Variants in ATRNL1 observed in about 807,000 individuals in gnomAD.
ATRNL1 encodes attractin like 1.
In ATRNL1, 95 loss-of-function variants were observed where a neutral mutation model predicts 182.7. The ratio of observed to expected loss-of-function variants is 0.52; its 90% CI spans 0.44 to 0.62. ATRNL1 has a LOEUF of 0.62. ATRNL1 is among the 20% of genes least tolerant of loss of function. The pLI is 0.00. For synonymous variants in ATRNL1, 576 were observed against 568.3 expected, an observed-to-expected ratio of 1.01 and a Z score of -0.19; for missense variants, 1,471 against 1,679.5, an observed-to-expected ratio of 0.88 and a Z score of 2.17.
At chr10:115,477,873 G>A (rs1848602863) in intron 24 of ATRNL1, among the ~76,000 whole-genome samples, 1 of 151,608 alleles carries the variant, frequency 6.6e-6, no homozygotes, top group South Asian at 2.1e-4. Context: ...TTAATCTGCT[G>A]CAAAGTGAAT....
intron 1 of ATRNL1, among the ~76,000 whole-genome samples, chr10:115,106,499 G>A (rs1554865985): frequency 6.6e-6 from 1 of 152,122 alleles, no homozygotes; most frequent in Non-Finnish European, 1.5e-5. Flanking sequence ...AGAATGATAT[G>A]GTTTGGCTGT....
At chr10:115,188,943 A>G (rs1467765207) in intron 8 of ATRNL1, among the ~76,000 whole-genome samples, 2 of 152,184 alleles carry the variant, frequency 1.3e-5, no homozygotes, top group Non-Finnish European at 2.9e-5. Flanking sequence ...TAGGCTTGGC[A>G]TTTGTGGTAG....
At chr10:115,120,488 G>A (rs548724650) in intron 2 of ATRNL1, among the ~76,000 whole-genome samples, 9 of 151,936 alleles carry the variant, frequency 5.9e-5, no homozygotes, top group Non-Finnish European at 1.0e-4. Flanking sequence ...TTTGAGTTAT[G>A]TTATTGTGGT....
At chr10:115,312,671 G>A (rs2134007046) in intron 17 of ATRNL1, among the ~76,000 whole-genome samples, 1 of 152,188 alleles carries the variant, frequency 6.6e-6, no homozygotes, top group African/African-American at 2.4e-5. Flanking sequence ...GGCCAGGGGT[G>A]TTTTTCTCAA....
intron 20 of ATRNL1, among the ~76,000 whole-genome samples, chr10:115,414,506 C>G (rs1554960512): frequency 6.6e-6 from 1 of 151,720 alleles, no homozygotes; most frequent in Non-Finnish European, 1.5e-5. Flanking sequence ...TTTCCTTTCC[C>G]ATTCTTATTG....
intron 8 of ATRNL1, among the ~76,000 whole-genome samples, chr10:115,187,870 TG>T (rs1200686129): frequency 2.0e-5 from 3 of 151,602 alleles, no homozygotes; most frequent in Non-Finnish European, 4.4e-5. Context: ...TTAGTAGAGA[TG>T]GGGTTTCACC....
At chr10:115,373,757 A>T (rs2134205867) in intron 19 of ATRNL1, among the ~76,000 whole-genome samples, 1 of 151,818 alleles carries the variant, frequency 6.6e-6, no homozygotes, top group East Asian at 1.9e-4. Context: ...TATTGAAATG[A>T]TTGAGTTTGT....
At chr10:115,684,435 A>T (rs1436926847) in intron 26 of ATRNL1, among the ~76,000 whole-genome samples, 1 of 148,308 alleles carries the variant, frequency 6.7e-6, no homozygotes, top group Non-Finnish European at 1.5e-5. Flanking sequence ...TAGTACAAAT[A>T]AAAAAAGTTT....
At chr10:115,907,505 G>A (rs1477956433) in intron 28 of ATRNL1, among the ~76,000 whole-genome samples, 3 of 152,130 alleles carry the variant, frequency 2.0e-5, no homozygotes, top group Non-Finnish European at 2.9e-5. Context: ...TAAGAAAGCT[G>A]CAAAATTAAA....
chr10:115,485,882 A>G (rs1848996171), intron 24 of ATRNL1, among the ~76,000 whole-genome samples: 1 of 151,732 alleles, frequency 6.6e-6, no homozygotes, highest in Non-Finnish European at 1.5e-5. Context: ...TCGTAACGCT[A>G]TCCCTACCAC....
chr10:115,253,811 C>T (rs1002267830), intron 10 of ATRNL1, among the ~76,000 whole-genome samples: 7 of 152,104 alleles, frequency 4.6e-5, no homozygotes, highest in Non-Finnish European at 1.0e-4. Context: ...ACAACAGGCC[C>T]CATTGTGTGA....
In ATRNL1 at chr10:115,884,089, A is replaced by T. The variant is rs370583368; in HGVS notation, c.4018+36098A>T. 4.6e-5 allele frequency among the ~76,000 whole-genome samples: 7 copies of T among 152,372 alleles called. No homozygotes were observed. The East Asian group carries it at 1.3e-3, about 29-fold the overall frequency. On this transcript the variant is annotated intron_variant, in intron 28 of 28. Coordinates refer to ENST00000355044, the MANE Select transcript of ATRNL1 (RefSeq NM_207303.4). ...TGGAACAAGCTGTCATAAACAGGCA[A>T]AAGAAAATAGCAGTTTCCATCTGGA...
At chr10:115,630,199 A>C (rs1858391224) in intron 26 of ATRNL1, among the ~76,000 whole-genome samples, 1 of 152,270 alleles carries the variant, frequency 6.6e-6, no homozygotes, top group East Asian at 1.9e-4. Context: ...AAAATGGACA[A>C]AAGACTTGAA....
intron 24 of ATRNL1, among the ~76,000 whole-genome samples, chr10:115,499,430 A>G (rs141699397): frequency 7.2e-5 from 11 of 152,206 alleles, no homozygotes; most frequent in Non-Finnish European, 1.3e-4. Flanking sequence ...CACCGAAAAG[A>G]TGAGACAGGT....
intron 28 of ATRNL1, among the ~76,000 whole-genome samples, chr10:115,865,055 C>T (rs1555104423): frequency 6.6e-6 from 1 of 151,560 alleles, no homozygotes; most frequent in Non-Finnish European, 1.5e-5. Flanking sequence ...CACCAAAACT[C>T]TTCAAAAGTG....
chr10:115,483,524 T>A (rs12098316), intron 24 of ATRNL1, among the ~76,000 whole-genome samples: 178 of 151,698 alleles, frequency 1.2e-3, no homozygotes, highest in African/African-American at 4.2e-3. Flanking sequence ...CCAAATATAT[T>A]TAATATAATT....
rs960663907 is a variant in ATRNL1, at chr10:115,663,021, C to T, written c.3796-64227C>T. 2.6e-5 allele frequency among the ~76,000 whole-genome samples: 4 copies of T among 152,026 alleles called. No individual in the cohort carries two copies. The East Asian group carries it at 7.7e-4, about 29-fold the overall frequency. On this transcript the variant is annotated intron_variant, in intron 26 of 28. Transcript: ENST00000355044. ...GAAGAAATATGTACTGTTATCTCTT[C>T]TGAAGAGTTATTCAAATTTTTATTG... is the stretch of plus-strand genomic sequence containing the variant.
At position 115,893,772 on chromosome 10, in the gene ATRNL1, G is replaced by A. The variant is rs150791487; in HGVS notation, c.4018+45781G>A. Among the ~76,000 whole-genome samples, 7 of 152,248 alleles carry A rather than the reference G, an allele frequency of 4.6e-5. No individual in the cohort carries two copies. The East Asian group carries it at 7.8e-4, about 17-fold the overall frequency. On this transcript the variant is annotated intron_variant, in intron 28 of 28. Transcript: ENST00000355044. ...GAGACAGATGCCTGGCATGAAACGC[G>A]ACTACTTCCATAGGACCCCCACGCA...
chr10:115,822,410 G>A (rs1344300246), intron 27 of ATRNL1, among the ~76,000 whole-genome samples: 3 of 152,006 alleles, frequency 2.0e-5, no homozygotes, highest in Non-Finnish European at 4.4e-5. Context: ...GCTAGAAGAA[G>A]GTAAGAAATA....
Sources: gnomAD v4.1 joint callset for allele counts (sites outside exome capture counted in the v4.1 genomes callset) on GRCh38, gnomAD v4.1.1 for gene constraint, MANE v1.5 for transcripts, NCBI Gene and HGNC (gene_info 2026-07-23, HGNC 2026-07-21) for gene names.